Variants in VPS13A observed in about 807,000 individuals in gnomAD.
The protein encoded by VPS13A is vacuolar protein sorting 13 homolog A.
In VPS13A, 264 loss-of-function variants were observed where a neutral mutation model predicts 390.9. That is an observed-to-expected ratio of 0.68 (90% CI 0.61 to 0.75). The LOEUF (loss-of-function observed/expected upper bound fraction) is 0.75, where lower values mean the gene tolerates loss of function less well. Among genes scored for constraint, VPS13A ranks in the 30% least tolerant of loss-of-function variants. The pLI, the probability that VPS13A is intolerant of heterozygous loss-of-function variation, is 0.00. For missense variants in VPS13A, 3,409 were observed against 3,733.9 expected (o/e 0.91, Z 2.27); for synonymous variants, 1,231 against 1,227.1 (o/e 1.00, Z -0.07).
At chr9:77,394,546 TTAAA>T (rs1834047253) in intron 68 of VPS13A, among the ~76,000 whole-genome samples, 1 of 152,110 alleles carries the variant, frequency 6.6e-6, no homozygotes, top group African/African-American at 2.4e-5. Flanking sequence ...TCTAAAGAAA[TTAAA>T]TAAAGTCACC....
At chr9:77,214,240 C>A in intron 9 of VPS13A, 89 bp from the exon 10 acceptor site, 1 of 1,103,508 alleles carries the variant, frequency 9.1e-7, no homozygotes. Context: ...TGCACCACTG[C>A]CCTCCAGCCT....
In VPS13A at chr9:77,361,792, A is replaced by G. The variant is rs555780122; in HGVS notation, c.8211+1151A>G. Among the ~76,000 whole-genome samples the G allele has an allele frequency of 2.6e-5, 4 of 152,116 alleles. 1 individual carries two copies. The highest frequency in any genetic ancestry group is 2.0e-4 in the Admixed American group (3 of 15,292). On this transcript the variant is annotated intron_variant, in intron 59 of 71. Transcript: ENST00000360280. The stretch of plus-strand genomic sequence containing the variant: ...AGCATATGAGGGCTCTGATTTTTCC[A>G]TATTATCCCCAACACTTGTTACTAT...
chr9:77,366,813 A>C lies in VPS13A; in HGVS notation c.8412A>C (p.Leu2804Phe), dbSNP rs777165993. ...GAGGACTGATTCCAGTTCATTCTTT[A>C]AATCTTTTGCTGAAGAGTATTGGTG... ...QNGGLIPVHS[L>F]NLLLKSIGAT... Residue 2804 changes from leucine (L) to phenylalanine (F), a missense_variant, in exon 61 of 72, where the codon TTA (leucine) becomes TTC (phenylalanine). Leu to Phe is a conservative substitution (Grantham distance 22, BLOSUM62 0). Transcript: ENST00000360280. The C allele has an allele frequency of 3.1e-6, 5 of 1,613,250 alleles. No homozygotes were observed. Among genetic ancestry groups the C allele is most frequent in the Non-Finnish European group, 3.4e-6 (4 of 1,179,556 alleles).
At chr9:77,337,032 C>G (rs954394822) in intron 46 of VPS13A, among the ~76,000 whole-genome samples, 1 of 151,720 alleles carries the variant, frequency 6.6e-6, no homozygotes. Context: ...CTCCTGACCT[C>G]GTGATACGCC....
intron 26 of VPS13A, among the ~76,000 whole-genome samples, chr9:77,276,509 T>C (rs558238655): frequency 3.8e-4 from 58 of 152,360 alleles, no homozygotes; most frequent in African/African-American, 1.3e-3. Context: ...ATTGTTGCTA[T>C]AACAATTTAC....
At chr9:77,197,289 G>A (rs78024998) in intron 1 of VPS13A, among the ~76,000 whole-genome samples, 1,868 of 152,218 alleles carry the variant, frequency 0.012, 37 homozygotes, top group African/African-American at 0.043. Flanking sequence ...TTGGTCAATA[G>A]TATTAAGTCC....
rs958465700 is a variant in VPS13A at position 77,201,250 on chromosome 9, G to A, written c.145-115G>A. 1.6e-5 allele frequency: 11 copies of A among 702,724 alleles called. No homozygotes were observed. The African/African-American group carries it at 1.6e-4, about 10-fold the overall frequency. The allele number at this position is 702,724 out of a possible 1,614,324, so 43.5% of individuals were successfully genotyped here. A position where few individuals can be genotyped will look rare whatever the true frequency, so the allele number is the denominator to read the frequency against. ...AAATAAATGTTGATGATAAGGAAAT[G>A]TGTAAGTTTATTAAAAAATCCCTTG... is the stretch of plus-strand genomic sequence containing the variant. On this transcript the variant is annotated intron_variant, in intron 2 of 71. Transcript: ENST00000360280.
chr9:77,253,147 T>A (rs1183552945), intron 22 of VPS13A, among the ~76,000 whole-genome samples: 1 of 152,160 alleles, frequency 6.6e-6, no homozygotes, highest in Non-Finnish European at 1.5e-5. Flanking sequence ...GTATTTTCTG[T>A]TTTTTTATTT....
chr9:77,308,208 C>G (rs1828880537), intron 35 of VPS13A, 110 bp downstream of exon 35: 1 of 1,180,460 alleles, frequency 8.5e-7, no homozygotes, highest in Non-Finnish European at 1.2e-6. Context: ...CCCTCTTTCT[C>G]CCTCCTTTCC....
At chr9:77,301,933 T>A (rs2131391071) in intron 33 of VPS13A, among the ~76,000 whole-genome samples, 1 of 151,950 alleles carries the variant, frequency 6.6e-6, no homozygotes, top group East Asian at 1.9e-4. Flanking sequence ...TTATATAATG[T>A]TTGTTTACAA....
rs1188059721 is a variant in VPS13A, at chr9:77,302,895, A to C, written c.3813-20A>C. The C allele has an allele frequency of 6.2e-7, 1 of 1,607,062 alleles. No homozygotes were observed. The highest frequency in any genetic ancestry group is 1.7e-5 in the Admixed American group (1 of 59,958). On this transcript the variant is annotated intron_variant, in intron 33 of 71. Coordinates refer to ENST00000360280, the MANE Select transcript of VPS13A (RefSeq NM_033305.3). ...GAATGTATATGAAACAATTTAAAAG[A>C]ATGTTATCTCTACTTATAGATCTCG... is the stretch of plus-strand genomic sequence containing the variant.
chr9:77,225,833 T>C (rs932120829), intron 13 of VPS13A, 93 bp from the exon 14 acceptor site: 22 of 936,690 alleles, frequency 2.3e-5, no homozygotes, highest in Non-Finnish European at 3.6e-5. Flanking sequence ...TTATATCTTT[T>C]CTTTAGTGCA....
At chr9:77,383,064 G>T in intron 68 of VPS13A, 1 of 977,340 alleles carries the variant, frequency 1.0e-6, no homozygotes, top group African/African-American at 1.7e-5. Flanking sequence ...TAAACTGTTG[G>T]AATATGAAGC....
chr9:77,387,786 T>C (rs916342404), intron 68 of VPS13A, among the ~76,000 whole-genome samples: 2 of 152,222 alleles, frequency 1.3e-5, no homozygotes, highest in African/African-American at 4.8e-5. Context: ...CACATATCAC[T>C]GATGCAGTGT....
chr9:77,227,632 T>A (rs2131198798), intron 16 of VPS13A, 147 bp downstream of exon 16: 1 of 623,780 alleles, frequency 1.6e-6, no homozygotes, highest in Non-Finnish European at 2.8e-6. Context: ...TCCTCCCACC[T>A]CAGCCTCTCG....
At chr9:77,233,777 T>A (rs1823976711) in intron 17 of VPS13A, among the ~76,000 whole-genome samples, 1 of 152,184 alleles carries the variant, frequency 6.6e-6, no homozygotes, top group African/African-American at 2.4e-5. Flanking sequence ...ATTATTAAAC[T>A]TGTTGAGATT....
intron 23 of VPS13A, among the ~76,000 whole-genome samples, chr9:77,268,547 T>C (rs555446091): frequency 6.6e-6 from 1 of 152,264 alleles, no homozygotes; most frequent in African/African-American, 2.4e-5. Context: ...TCACTGGCCT[T>C]CTGCATTGAT....
intron 26 of VPS13A, among the ~76,000 whole-genome samples, chr9:77,278,387 TTA>T (rs1826821402): frequency 1.3e-5 from 2 of 152,044 alleles, no homozygotes; most frequent in African/African-American, 4.8e-5. Context: ...TTATTAAGTT[TTA>T]TGTTTATTCT....
intron 46 of VPS13A, among the ~76,000 whole-genome samples, chr9:77,334,893 C>T (rs950280547): frequency 6.6e-6 from 1 of 152,120 alleles, no homozygotes; most frequent in Admixed American, 6.5e-5. Flanking sequence ...ATGCTTCAGT[C>T]AGGTAAGAAG....
Sources: gnomAD v4.1 joint callset for allele counts (sites outside exome capture counted in the v4.1 genomes callset) on GRCh38, gnomAD v4.1.1 for gene constraint, MANE v1.5 for transcripts, NCBI Gene and HGNC (gene_info 2026-07-23, HGNC 2026-07-21) for gene names.